TEX36: variants seen among roughly 807,000 people sequenced by gnomAD.
TEX36 encodes testis expressed 36.
In TEX36, 12 loss-of-function variants were observed where a neutral mutation model predicts 13.6. The ratio of observed to expected loss-of-function variants is 0.88; its 90% CI spans 0.56 to 1.43. The LOEUF is 1.43. Ranked by LOEUF, TEX36 falls within the 40% of genes most tolerant of loss-of-function variation. The pLI is 0.00. For synonymous variants in TEX36, 93 were observed against 83.0 expected (o/e 1.12, Z -0.65); for missense variants, 224 against 228.3 (o/e 0.98, Z 0.12).
At chr10:125,582,906 T>C (rs1038425617) in intron 3 of TEX36, among the ~76,000 whole-genome samples, 1 of 152,220 alleles carries the variant, frequency 6.6e-6, no homozygotes, top group Non-Finnish European at 1.5e-5. Context: ...ATTTAAATGT[T>C]ATAAAAGAGA....
At chr10:125,617,192 G>A (rs1306757928), downstream of TEX36, among the ~76,000 whole-genome samples, 1 of 151,706 alleles carries the variant, frequency 6.6e-6, no homozygotes, top group Non-Finnish European at 1.5e-5. Flanking sequence ...CTGCACGTGA[G>A]ATGGGTTTCC....
chr10:125,656,288 G>C, intron 3 of TEX36, 92 bp from the exon 4 acceptor site: 2 of 1,161,990 alleles, frequency 1.7e-6, no homozygotes, highest in Non-Finnish European at 2.2e-6. Flanking sequence ...ACAGAGTCTT[G>C]CTCTGTCACC....
chr10:125,586,315 G>T (rs568702385), intron 3 of TEX36, among the ~76,000 whole-genome samples: 1 of 152,046 alleles, frequency 6.6e-6, no homozygotes, highest in East Asian at 1.9e-4. Context: ...AAAATCATTG[G>T]GTCAAAGGTA....
downstream of TEX36, among the ~76,000 whole-genome samples, chr10:125,651,028 C>G (rs547053913): frequency 9.9e-5 from 15 of 152,252 alleles, no homozygotes; most frequent in South Asian, 1.9e-3. Flanking sequence ...CAAAAAAAGT[C>G]CAGGACCAGA....
chr10:125,630,905 G>A lies in TEX36; in HGVS notation c.265-9260C>T, dbSNP rs148791389. Among the ~76,000 whole-genome samples the A allele has an allele frequency of 3.2e-3, 485 of 152,212 alleles. 4 individuals are homozygous for A. The highest frequency in any genetic ancestry group is 5.5e-3 in the Non-Finnish European group (376 of 68,002). ...GGAGTTAAAAAGGGAGGCCAGAGGC[G>A]GGGCTGTAGCACAGATGGGCAGGAG... On this transcript the variant is annotated intron_variant, in intron 3 of 3. Transcript: ENST00000526819.
At chr10:125,669,212 A>G (rs1165317184) in intron 1 of TEX36, among the ~76,000 whole-genome samples, 1 of 152,114 alleles carries the variant, frequency 6.6e-6, no homozygotes, top group East Asian at 1.9e-4. Flanking sequence ...AATTGCTTGA[A>G]CCCAGGAGGC....
In TEX36 at chr10:125,646,015, T is replaced by C. The variant is rs147985403; in HGVS notation, c.264+15006A>G. Among the ~76,000 whole-genome samples the C allele has an allele frequency of 3.9e-3, 590 of 152,280 alleles. 1 individual carries two copies. Among genetic ancestry groups the C allele is most frequent in the Admixed American group, 6.3e-3 (97 of 15,298 alleles). ...AACAAAAGAAAAAATCAAATACACT[T>C]CTCAATAACTATTGAATTAAGAAAG... On this transcript the variant is annotated intron_variant, in intron 3 of 3. Coordinates refer to the TEX36 transcript ENST00000526819.
chr10:125,631,191 A>G (rs1178498787), intron 3 of TEX36, among the ~76,000 whole-genome samples: 2 of 152,252 alleles, frequency 1.3e-5, no homozygotes, highest in Non-Finnish European at 2.9e-5. Context: ...GCTTTCTCCA[A>G]TGACTACAAC....
At chr10:125,661,227 T>G in intron 2 of TEX36, 126 bp from the exon 3 acceptor site, 1 of 751,914 alleles carries the variant, frequency 1.3e-6, no homozygotes, top group South Asian at 1.6e-5. Context: ...CAATGAAACC[T>G]GGCCCCAGAG....
At chr10:125,632,065 G>A (rs766421487) in intron 3 of TEX36, among the ~76,000 whole-genome samples, 27 of 152,126 alleles carry the variant, frequency 1.8e-4, no homozygotes, top group Admixed American at 6.5e-4. Context: ...GTGGGAAGAA[G>A]GAAATGACGA....
At chr10:125,678,912 C>A (rs1340368399) in intron 1 of TEX36, among the ~76,000 whole-genome samples, 5 of 152,114 alleles carry the variant, frequency 3.3e-5, no homozygotes, top group Admixed American at 3.3e-4. Context: ...CACCAGCCAT[C>A]GTGAGCAGGA....
At chr10:125,601,531 T>C (rs999872397) in intron 3 of TEX36, among the ~76,000 whole-genome samples, 1 of 152,260 alleles carries the variant, frequency 6.6e-6, no homozygotes, top group Non-Finnish European at 1.5e-5. Context: ...ACATTAGCTG[T>C]AGCATGTGAA....
intron 3 of TEX36, among the ~76,000 whole-genome samples, chr10:125,640,691 T>A (rs894123553): frequency 5.9e-5 from 9 of 152,124 alleles, no homozygotes; most frequent in African/African-American, 9.7e-5. Flanking sequence ...CAGGTTTGTT[T>A]CACCCAGGGA....
At chr10:125,595,517 C>G (rs1334121055) in intron 3 of TEX36, among the ~76,000 whole-genome samples, 1 of 152,204 alleles carries the variant, frequency 6.6e-6, no homozygotes, top group Non-Finnish European at 1.5e-5. Flanking sequence ...AGATACATCA[C>G]CGACCTGCTC....
At chr10:125,619,824 G>A (rs996636024), downstream of TEX36, among the ~76,000 whole-genome samples, 4 of 151,536 alleles carry the variant, frequency 2.6e-5, no homozygotes, top group African/African-American at 9.7e-5. Flanking sequence ...CAAAGTGCTG[G>A]GATTACAGGC....
chr10:125,607,169 C>G (rs1222751276), intron 3 of TEX36, among the ~76,000 whole-genome samples: 1 of 152,216 alleles, frequency 6.6e-6, no homozygotes, highest in Non-Finnish European at 1.5e-5. Flanking sequence ...TCTAAAATTA[C>G]TTTAGGAGCT....
intron 3 of TEX36, among the ~76,000 whole-genome samples, chr10:125,615,261 G>A (rs1466304146): frequency 1.3e-5 from 2 of 151,732 alleles, no homozygotes; most frequent in South Asian, 2.1e-4. Context: ...TTTCCTAATT[G>A]AATACCCTTT....
intron 1 of TEX36, among the ~76,000 whole-genome samples, chr10:125,679,537 C>T (rs1248574135): frequency 9.2e-5 from 14 of 152,176 alleles, no homozygotes; most frequent in Admixed American, 9.2e-4. Context: ...TCGAGAAGTT[C>T]TCCATGGCCA....
At chr10:125,626,740 G>A (rs1460662419) in intron 3 of TEX36, among the ~76,000 whole-genome samples, 2 of 152,158 alleles carry the variant, frequency 1.3e-5, no homozygotes, top group Non-Finnish European at 1.5e-5. Context: ...GAAGCAATGG[G>A]ATCCAGGAGA....
Sources: gnomAD v4.1 joint callset for allele counts (sites outside exome capture counted in the v4.1 genomes callset) on GRCh38, gnomAD v4.1.1 for gene constraint, MANE v1.5 for transcripts, NCBI Gene and HGNC (gene_info 2026-07-23, HGNC 2026-07-21) for gene names.